Variants in RNF220 observed in about 807,000 individuals in gnomAD.
RNF220 encodes E3 ubiquitin-protein ligase RNF220.
A neutral mutation model predicts 67.1 loss-of-function variants in RNF220; 7 were observed. The observed-to-expected ratio is 0.10, with a 90% confidence interval of 0.06 to 0.20. The LOEUF is 0.20. RNF220 is among the 10% of genes least tolerant of loss of function. RNF220 has a pLI of 1.00. For synonymous variants in RNF220, 270 were observed against 283.2 expected, an observed-to-expected ratio of 0.95 and a Z score of 0.47; for missense variants, 565 against 740.3, an observed-to-expected ratio of 0.76 and a Z score of 2.75.
intron 2 of RNF220, among the ~76,000 whole-genome samples, chr1:44,478,976 G>A (rs567163730): frequency 2.8e-4 from 42 of 152,160 alleles, no homozygotes; most frequent in African/African-American, 9.9e-4. Flanking sequence ...AATTTTTGTG[G>A]GTGAGCAGCT....
At position 44,550,432 on chromosome 1, in the gene RNF220, T is replaced by C. The variant is rs998305919; in HGVS notation, c.626-63733T>C. Among the ~76,000 whole-genome samples, 11 of 152,090 alleles carry C rather than the reference T, an allele frequency of 7.2e-5. No individual in the cohort carries two copies. The East Asian group carries it at 2.1e-3, about 29-fold the overall frequency. On this transcript the variant is annotated intron_variant, in intron 2 of 14. Coordinates refer to ENST00000361799, the MANE Select transcript of RNF220 (RefSeq NM_018150.4). Reference sequence around the variant, plus strand: ...TGCAGCTGGTCTTGGTTTTGCAGAGTTCTGGACAGCATTCAGTTCCCTGAA... The same window carrying C: ...TGCAGCTGGTCTTGGTTTTGCAGAGCTCTGGACAGCATTCAGTTCCCTGAA...
chr1:44,638,517 C>T (rs1048901706), intron 8 of RNF220: 1 of 152,274 alleles, frequency 6.6e-6, no homozygotes, highest in Non-Finnish European at 1.5e-5. Flanking sequence ...AGATAAGTTC[C>T]TGTATCCGAT....
At chr1:44,478,131 C>A (rs1429764508) in intron 2 of RNF220, among the ~76,000 whole-genome samples, 2 of 152,064 alleles carry the variant, frequency 1.3e-5, no homozygotes, top group African/African-American at 4.8e-5. Context: ...AGGTATGCAC[C>A]ACCACACCCG....
chr1:44,567,486 G>A (rs952545413), intron 2 of RNF220, among the ~76,000 whole-genome samples: 3 of 152,040 alleles, frequency 2.0e-5, no homozygotes, highest in Admixed American at 6.6e-5. Context: ...GAGAAGCCCC[G>A]TGAATGACAC....
intron 2 of RNF220, among the ~76,000 whole-genome samples, chr1:44,427,612 T>A (rs1649926099): frequency 6.6e-6 from 1 of 152,168 alleles, no homozygotes; most frequent in Admixed American, 6.5e-5. Context: ...GAAGATGATT[T>A]AGTATCTGCT....
At position 44,622,809 on chromosome 1, in the gene RNF220, T is replaced by C. The variant is rs1334980308; in HGVS notation, c.804+22T>C. On this transcript the variant is annotated intron_variant, in intron 4 of 14. Coordinates refer to ENST00000361799, the MANE Select transcript of RNF220 (RefSeq NM_018150.4). This position sits in a 1 kb window ranked among gnomAD's most constrained non-coding sequence, Gnocchi z 4.3. ...AAAGGTAGGTGGCCAATTACATGTT[T>C]TCCTCCTGCCCATACTAACCTAGGC... 1.2e-6 allele frequency: 2 copies of C among 1,611,936 alleles called. No homozygotes were observed. The highest frequency in any genetic ancestry group is 1.7e-6 in the Non-Finnish European group (2 of 1,178,080).
chr1:44,444,242 A>G (rs1164391918), intron 2 of RNF220, among the ~76,000 whole-genome samples: 4 of 152,190 alleles, frequency 2.6e-5, no homozygotes, highest in Non-Finnish European at 5.9e-5. Context: ...AAATAATTTT[A>G]TCACACATGT....
chr1:44,410,078 C>G (rs895390130), intron 1 of RNF220, among the ~76,000 whole-genome samples: 4 of 151,660 alleles, frequency 2.6e-5, no homozygotes, highest in South Asian at 2.1e-4. Flanking sequence ...TCACCAGATT[C>G]CTAATTTATG....
At chr1:44,460,806 T>C (rs1350246555) in intron 2 of RNF220, among the ~76,000 whole-genome samples, 1 of 152,216 alleles carries the variant, frequency 6.6e-6, no homozygotes, top group African/African-American at 2.4e-5. Flanking sequence ...ATAGATTGAA[T>C]ATAGCTGCAG....
chr1:44,446,949 A>C (rs138620273), intron 2 of RNF220, among the ~76,000 whole-genome samples: 44 of 152,330 alleles, frequency 2.9e-4, no homozygotes, highest in African/African-American at 9.4e-4. Context: ...AGCGATGCAT[A>C]ATTTCTGGTC....
rs1000077345 is a variant in RNF220 at position 44,606,876 on chromosome 1, T to C, written c.626-7289T>C. On this transcript the variant is annotated intron_variant, in intron 2 of 14. Transcript: ENST00000361799. The surrounding 1 kb of genome is among the most constrained non-coding windows in gnomAD (Gnocchi z 4.2). Reference sequence around the variant, plus strand: ...TGTCTCCCGGGTCTAGAACTCTAGCTCTGGCTCACATAGAGTGCCTACTCA... The same window carrying C: ...TGTCTCCCGGGTCTAGAACTCTAGCCCTGGCTCACATAGAGTGCCTACTCA... 6.6e-6 allele frequency among the ~76,000 whole-genome samples: 1 copy of C among 152,222 alleles called. No individual in the cohort carries two copies. The highest frequency in any genetic ancestry group is 1.5e-5 in the Non-Finnish European group (1 of 68,048).
chr1:44,557,377 AAAAG>A (rs1374728332), intron 2 of RNF220, among the ~76,000 whole-genome samples: 7 of 151,400 alleles, frequency 4.6e-5, no homozygotes, highest in South Asian at 2.1e-4. Flanking sequence ...AAAAGGAAGA[AAAAG>A]AAAGAGAAGG....
Position 44,447,881 on chromosome 1 carries a change from A to C in RNF220, c.625+35159A>C, listed in dbSNP as rs1652263950. Among the ~76,000 whole-genome samples the C allele has an allele frequency of 2.6e-5, 4 of 152,040 alleles. No individual in the cohort carries two copies. The South Asian group carries it at 8.3e-4, about 32-fold the overall frequency. On this transcript the variant is annotated intron_variant, in intron 2 of 14. Coordinates refer to ENST00000361799, the MANE Select transcript of RNF220 (RefSeq NM_018150.4). ...TGTTCAGTGTTCTAATCCTATTTCT[A>C]AGTCCCTGCCTTCTGGGCTTACTGT... is the stretch of plus-strand genomic sequence containing the variant.
chr1:44,596,002 G>A (rs1286514638), intron 2 of RNF220, among the ~76,000 whole-genome samples: 1 of 152,170 alleles, frequency 6.6e-6, no homozygotes, highest in Admixed American at 6.5e-5. Context: ...CTGACCTCAT[G>A]ATCCGCCCAT....
chr1:44,484,252 A>G (rs1557970293), intron 2 of RNF220, among the ~76,000 whole-genome samples: 1 of 151,900 alleles, frequency 6.6e-6, no homozygotes, highest in Admixed American at 6.6e-5. Context: ...GGCATAGAAG[A>G]AAAAAAAGAG....
intron 2 of RNF220, among the ~76,000 whole-genome samples, chr1:44,479,996 C>T (rs995754561): frequency 5.3e-5 from 8 of 152,222 alleles, no homozygotes; most frequent in African/African-American, 1.9e-4. Context: ...ATACAAGTTG[C>T]TATTATTCCC....
intron 2 of RNF220, among the ~76,000 whole-genome samples, chr1:44,569,473 C>T (rs1439017276): frequency 2.0e-5 from 3 of 152,246 alleles, no homozygotes; most frequent in African/African-American, 4.8e-5. Context: ...TATGGGCTGA[C>T]GATGATAGTT....
rs1261760100 is a variant in RNF220, at chr1:44,650,266, T to G, written c.1629+309T>G. 1 of 523,574 alleles carries G rather than the reference T, an allele frequency of 1.9e-6. No homozygotes were observed. Among genetic ancestry groups the G allele is most frequent in the Admixed American group, 3.4e-5 (1 of 29,198 alleles). The allele number at this position is 523,574 out of a possible 1,614,324, so 32.4% of individuals were successfully genotyped here. A position where few individuals can be genotyped will look rare whatever the true frequency, so the allele number is the denominator to read the frequency against. On this transcript the variant is annotated intron_variant, in intron 14 of 14. Transcript: ENST00000361799. The surrounding 1 kb of genome is among the most constrained non-coding windows in gnomAD (Gnocchi z 4.3). Reference sequence around the variant, plus strand: ...GGGTCAGGAGGAGGCTGGCTGTAGGTAAACAGGACCAGGGCCTTGGCCCCT... The same window carrying G: ...GGGTCAGGAGGAGGCTGGCTGTAGGGAAACAGGACCAGGGCCTTGGCCCCT...
At position 44,623,169 on chromosome 1, in the gene RNF220, C is replaced by G. The variant is rs190788097; in HGVS notation, c.804+382C>G. 1.3e-3 allele frequency among the ~76,000 whole-genome samples: 203 copies of G among 152,174 alleles called. 2 individuals carry two copies. Among genetic ancestry groups the G allele is most frequent in the Non-Finnish European group, 2.6e-3 (175 of 67,988 alleles). On this transcript the variant is annotated intron_variant, in intron 4 of 14. Transcript: ENST00000361799. ...AAATGCAGGTCAAGATAGTGCAGGG[C>G]CCTAGAAGCCAGACTATGGGGGCAC...
Sources: allele counts gnomAD v4.1 joint callset (sites outside exome capture counted in the v4.1 genomes callset), GRCh38; gene constraint gnomAD v4.1.1; non-coding constraint Gnocchi (gnomAD v3.1); transcripts MANE v1.5; gene names NCBI Gene and HGNC (gene_info 2026-07-23, HGNC 2026-07-21).